The following TCF20 variants were observed in gnomAD, a reference collection of about 807,000 sequenced individuals.
The protein encoded by TCF20 is SPRE-binding protein.
Under a neutral mutation model 148.6 loss-of-function variants are expected in TCF20, and 3 were observed. That is an observed-to-expected ratio of 0.02 (90% CI 0.01 to 0.05). The LOEUF (loss-of-function observed/expected upper bound fraction) is 0.05. TCF20 is among the 10% of genes least tolerant of loss of function. The pLI, the probability that TCF20 is intolerant of heterozygous loss-of-function variation, is 1.00. For synonymous variants in TCF20, 1,049 were observed against 909.5 expected, an observed-to-expected ratio of 1.15 and a Z score of -2.76; for missense variants, 2,350 against 2,429.3, an observed-to-expected ratio of 0.97 and a Z score of 0.69.
intron 1 of TCF20, among the ~76,000 whole-genome samples, chr22:42,318,831 C>T (rs577100048): frequency 4.6e-5 from 7 of 152,276 alleles, no homozygotes; most frequent in African/African-American, 1.7e-4. Context: ...GGGTGGGGGG[C>T]ACTGGCCACC....
At chr22:42,216,941 C>A (rs1921869993) in intron 1 of TCF20, among the ~76,000 whole-genome samples, 1 of 152,090 alleles carries the variant, frequency 6.6e-6, no homozygotes, top group Non-Finnish European at 1.5e-5. Context: ...GAACCAATTA[C>A]TTAAAAAAAC....
At position 42,211,033 on chromosome 22, in the gene TCF20, G is replaced by C. The variant is rs759281870; in HGVS notation, c.4273C>G (p.His1425Asp). The C allele has an allele frequency of 5.6e-6, 9 of 1,614,002 alleles. No homozygotes were observed. Among genetic ancestry groups the C allele is most frequent in the African/African-American group, 2.7e-5 (2 of 74,886 alleles). Residue 1425 changes from histidine (H) to aspartate (D), a missense_variant, in exon 2 of 6, where the codon CAC (histidine) becomes GAC (aspartate). His to Asp is a moderately conservative substitution (Grantham distance 81). Transcript: ENST00000677622. ...GACCTTGGAAGAGGTTTCTCTACGT[G>C]CAACTCCTGGTTTGCTGGACTGACT... ...DLVSPANQEL[H>D]VEKPLPRSSE... is the part of the protein sequence containing the mutation.
chr22:42,284,776 G>A (rs1029618801), upstream of TCF20, among the ~76,000 whole-genome samples: 2 of 152,210 alleles, frequency 1.3e-5, no homozygotes, highest in African/African-American at 4.8e-5. Context: ...TCCGTTCCGA[G>A]GGGCTGAGCA....
intron 1 of TCF20, among the ~76,000 whole-genome samples, chr22:42,222,536 C>T (rs900488567): frequency 1.3e-5 from 2 of 152,168 alleles, no homozygotes; most frequent in African/African-American, 4.8e-5. Flanking sequence ...AACACAATTT[C>T]TGCTTCTCCC....
chr22:42,261,695 G>A (rs141063925), intron 1 of TCF20, among the ~76,000 whole-genome samples: 1 of 152,226 alleles, frequency 6.6e-6, no homozygotes, highest in East Asian at 1.9e-4. Flanking sequence ...ATGGATACAG[G>A]AAACAGTATA....
Position 42,213,995 on chromosome 22 carries a change from C to T in TCF20, c.1311G>A (p.Gly437=). 1.2e-6 allele frequency: 2 copies of T among 1,614,194 alleles called. No homozygotes were observed. Among genetic ancestry groups the T allele is most frequent in the Non-Finnish European group, 1.7e-6 (2 of 1,180,030 alleles). The change falls in exon 2 of 6, where the codon GGG becomes GGA. Residue 437 remains glycine (G), a synonymous_variant. Transcript: ENST00000677622. ...TTTCTGGTACCCCTTCTAGTCCAAA[C>T]CCTTTGAAGCCTGCAGCATGAGAAT... is the stretch of plus-strand genomic sequence containing the variant. ...SPNSHAAGFK[G]FGLEGVPEKR...
chr22:42,241,140 T>C (rs896036748), intron 1 of TCF20, among the ~76,000 whole-genome samples: 1 of 152,236 alleles, frequency 6.6e-6, no homozygotes, highest in Non-Finnish European at 1.5e-5. Flanking sequence ...TTACAGGCCT[T>C]AGCCAGCGCG....
At chr22:42,205,729 A>G (rs752107563) in intron 2 of TCF20, among the ~76,000 whole-genome samples, 3 of 152,252 alleles carry the variant, frequency 2.0e-5, no homozygotes, top group Admixed American at 6.5e-5. Context: ...CGGATCTTAT[A>G]GTGATAGTGG....
chr22:42,233,171 C>T (rs1923586449), intron 1 of TCF20, among the ~76,000 whole-genome samples: 1 of 152,150 alleles, frequency 6.6e-6, no homozygotes, highest in South Asian at 2.1e-4. Context: ...ATCCACCTGC[C>T]TCGGCCTCCC....
chr22:42,212,750 T>C lies in TCF20; in HGVS notation c.2556A>G (p.Ser852=), dbSNP rs1921132892. Residue 852 remains serine, a synonymous_variant, in exon 2 of 6, where the codon TCA becomes TCG. Transcript: ENST00000677622. The part of the protein sequence containing the change: ...PRKFEIEPQS[S]AHEPGGSLSE... ...AGAGGGAACCCCCAGGCTCATGTGC[T>C]GATGACTGAGGCTCTATTTCAAACT... The C allele has an allele frequency of 6.2e-7, 1 of 1,614,144 alleles. No individual in the cohort carries two copies. Among genetic ancestry groups the C allele is most frequent in the African/African-American group, 1.3e-5 (1 of 74,948 alleles).
At chr22:42,173,931 G>C (rs1166057762) in intron 3 of TCF20, among the ~76,000 whole-genome samples, 1 of 152,182 alleles carries the variant, frequency 6.6e-6, no homozygotes, top group Admixed American at 6.5e-5. Context: ...CTGTTAAATA[G>C]AGATGCTACC....
intron 1 of TCF20, among the ~76,000 whole-genome samples, chr22:42,291,181 C>T (rs1175317151): frequency 6.6e-6 from 1 of 152,190 alleles, no homozygotes; most frequent in African/African-American, 2.4e-5. Context: ...CAAACACAAG[C>T]ATTTATTGAG....
At chr22:42,334,712 G>A (rs1300771851) in intron 1 of TCF20, among the ~76,000 whole-genome samples, 2 of 152,218 alleles carry the variant, frequency 1.3e-5, no homozygotes, top group Non-Finnish European at 2.9e-5. Context: ...CACAAGGGTG[G>A]AATAGTCATC....
chr22:42,216,161 T>C (rs1222038917), intron 1 of TCF20, among the ~76,000 whole-genome samples: 1 of 136,782 alleles, frequency 7.3e-6, no homozygotes, highest in African/African-American at 2.7e-5. Flanking sequence ...ACAGTCGTAG[T>C]TCACTGCAGC....
At chr22:42,311,345 T>C (rs996936723) in intron 1 of TCF20, among the ~76,000 whole-genome samples, 2 of 152,226 alleles carry the variant, frequency 1.3e-5, no homozygotes, top group Non-Finnish European at 2.9e-5. Context: ...GGAGGGGCAC[T>C]GAATGGTGTG....
At chr22:42,327,975 A>G (rs1424785632) in intron 1 of TCF20, among the ~76,000 whole-genome samples, 1 of 151,484 alleles carries the variant, frequency 6.6e-6, no homozygotes, top group African/African-American at 2.4e-5. Flanking sequence ...CCTCCTTCCC[A>G]TCATAGCTCT....
chr22:42,188,419 C>T (rs1937161946), intron 2 of TCF20, among the ~76,000 whole-genome samples: 1 of 151,592 alleles, frequency 6.6e-6, no homozygotes, highest in African/African-American at 2.4e-5. Context: ...CAGACCCATG[C>T]TTCTTCAGAA....
intron 1 of TCF20, among the ~76,000 whole-genome samples, chr22:42,333,793 C>T (rs1017016786): frequency 6.6e-6 from 1 of 152,256 alleles, no homozygotes; most frequent in Non-Finnish European, 1.5e-5. Flanking sequence ...TTCCAGGTGC[C>T]CAACCTGCTC....
chr22:42,169,820 T>TG, intron 4 of TCF20, 27 bp downstream of exon 4: 1 of 1,612,946 alleles, frequency 6.2e-7, no homozygotes, highest in Non-Finnish European at 8.5e-7. Flanking sequence ...CCATCCCTGC[T>TG]GGTAGCTCTT....
Sources: allele counts gnomAD v4.1 joint callset (sites outside exome capture counted in the v4.1 genomes callset), GRCh38; gene constraint gnomAD v4.1.1; transcripts MANE v1.5; gene names NCBI Gene and HGNC (gene_info 2026-07-23, HGNC 2026-07-21).